The following MEIKIN variants were observed in gnomAD, a reference collection of about 807,000 sequenced individuals.
The protein encoded by MEIKIN is meiosis-specific kinetochore protein.
At chr5:131,891,245 T>G (rs538802048) in intron 8 of MEIKIN, among the ~76,000 whole-genome samples, 3 of 152,264 alleles carry the variant, frequency 2.0e-5, no homozygotes, top group South Asian at 4.2e-4. Context: ...GCTTGGTGCA[T>G]AGCTGAGTTC....
At chr5:131,891,137 C>T (rs1404197417) in intron 8 of MEIKIN, among the ~76,000 whole-genome samples, 1 of 152,092 alleles carries the variant, frequency 6.6e-6, no homozygotes, top group Non-Finnish European at 1.5e-5. Flanking sequence ...TTACTTCCAA[C>T]TATGTGGTCA....
intron 3 of MEIKIN, among the ~76,000 whole-genome samples, chr5:131,943,583 A>G (rs777798662): frequency 1.3e-5 from 2 of 152,216 alleles, no homozygotes; most frequent in Non-Finnish European, 2.9e-5. Context: ...TTTGAAGACT[A>G]TTTAATGTAT....
chr5:131,918,928 T>C (rs1468452217), intron 6 of MEIKIN, among the ~76,000 whole-genome samples: 1 of 152,108 alleles, frequency 6.6e-6, no homozygotes, highest in African/African-American at 2.4e-5. Context: ...CTTGATGATA[T>C]TAGAGAACTG....
chr5:131,856,595 A>T (rs563564762), intron 9 of MEIKIN, among the ~76,000 whole-genome samples: 1 of 152,242 alleles, frequency 6.6e-6, no homozygotes, highest in African/African-American at 2.4e-5. Flanking sequence ...TCCCTGCATA[A>T]TCCTGCTTCT....
At chr5:131,851,624 A>G (rs1042505334) in intron 10 of MEIKIN, among the ~76,000 whole-genome samples, 5 of 152,214 alleles carry the variant, frequency 3.3e-5, no homozygotes, top group Non-Finnish European at 5.9e-5. Flanking sequence ...TTCATTTTAA[A>G]GTAATTTTTT....
At chr5:131,828,690 T>C (rs894687062) in intron 11 of MEIKIN, among the ~76,000 whole-genome samples, 5 of 152,216 alleles carry the variant, frequency 3.3e-5, no homozygotes, top group South Asian at 2.1e-4. Flanking sequence ...GAATCCACCA[T>C]GTTCTACCAC....
chr5:131,906,839 G>C (rs1030276748), intron 8 of MEIKIN, among the ~76,000 whole-genome samples: 3 of 152,124 alleles, frequency 2.0e-5, no homozygotes, highest in African/African-American at 7.2e-5. Flanking sequence ...CAGAAAGAAG[G>C]AACAACAGAC....
At chr5:131,862,517 G>C (rs1416904844) in intron 9 of MEIKIN, among the ~76,000 whole-genome samples, 1 of 151,812 alleles carries the variant, frequency 6.6e-6, no homozygotes, top group African/African-American at 2.4e-5. Flanking sequence ...ATTCCTTAAA[G>C]TGCATCACTA....
chr5:131,879,736 A>G lies in MEIKIN; in HGVS notation c.704-688T>C, dbSNP rs1750673077. On this transcript the variant is annotated intron_variant, in intron 8 of 12. Transcript: ENST00000442687. Reference sequence around the variant, plus strand: ...TATCAGCAGAAACCTTTCCTGTCCTACCTCACTGGACCTTACTACAACAGG... The same window carrying G: ...TATCAGCAGAAACCTTTCCTGTCCTGCCTCACTGGACCTTACTACAACAGG... Among the ~76,000 whole-genome samples the G allele has an allele frequency of 2.0e-5, 3 of 152,046 alleles. No homozygotes were observed. The South Asian group carries it at 6.2e-4, about 32-fold the overall frequency.
intron 5 of MEIKIN, among the ~76,000 whole-genome samples, chr5:131,922,634 A>T (rs1751524232): frequency 6.6e-6 from 1 of 152,098 alleles, no homozygotes; most frequent in South Asian, 2.1e-4. Flanking sequence ...GCTATTACTT[A>T]ATATCAGTTT....
intron 11 of MEIKIN, among the ~76,000 whole-genome samples, chr5:131,826,181 C>A (rs934587663): frequency 6.6e-6 from 1 of 151,172 alleles, no homozygotes; most frequent in Non-Finnish European, 1.5e-5. Context: ...CCCACCTTGG[C>A]CTCCCAAAGT....
At chr5:131,885,349 G>A (rs1261848492) in intron 8 of MEIKIN, among the ~76,000 whole-genome samples, 2 of 2,894 alleles carry the variant, frequency 6.9e-4, no homozygotes, top group Non-Finnish European at 2.2e-3. Context: ...GAAAGAGAGA[G>A]AGAGAGAGAG....
intron 4 of MEIKIN, among the ~76,000 whole-genome samples, chr5:131,935,125 C>A (rs1370970453): frequency 6.7e-6 from 1 of 148,496 alleles, no homozygotes; most frequent in South Asian, 2.1e-4. Context: ...TGCAAATGGA[C>A]TGAAATCCAG....
chr5:131,844,345 G>A (rs577910312), intron 11 of MEIKIN, among the ~76,000 whole-genome samples: 1 of 152,222 alleles, frequency 6.6e-6, no homozygotes, highest in Non-Finnish European at 1.5e-5. Context: ...CAAGACACTG[G>A]ACATCAGACA....
intron 5 of MEIKIN, among the ~76,000 whole-genome samples, chr5:131,927,920 C>T (rs572986592): frequency 2.6e-5 from 4 of 151,880 alleles, no homozygotes; most frequent in African/African-American, 7.2e-5. Context: ...CCGAGACGGG[C>T]GGATCACGAG....
At chr5:131,844,064 T>C (rs565155388) in intron 11 of MEIKIN, among the ~76,000 whole-genome samples, 16 of 152,250 alleles carry the variant, frequency 1.1e-4, no homozygotes, top group Middle Eastern at 3.4e-3. Context: ...TATCTTCATG[T>C]GGCAACAGGA....
At chr5:131,938,210 A>G (rs568230175) in intron 4 of MEIKIN, among the ~76,000 whole-genome samples, 1 of 131,874 alleles carries the variant, frequency 7.6e-6, no homozygotes, top group Non-Finnish European at 1.5e-5. Context: ...TCTCTCACCT[A>G]GGCTAGAGTG....
chr5:131,906,503 T>A (rs967310177), intron 8 of MEIKIN, among the ~76,000 whole-genome samples: 4 of 151,970 alleles, frequency 2.6e-5, no homozygotes, highest in Admixed American at 2.6e-4. Flanking sequence ...GACCCAGCAA[T>A]CCCATTATTG....
chr5:131,901,988 C>T (rs1174140602), intron 8 of MEIKIN, among the ~76,000 whole-genome samples: 1 of 152,106 alleles, frequency 6.6e-6, no homozygotes. Flanking sequence ...GCTTTAGCAC[C>T]ACCCTCTTGG....
Sources: gnomAD v4.1 joint callset for allele counts (sites outside exome capture counted in the v4.1 genomes callset) on GRCh38, gnomAD v4.1.1 for gene constraint, MANE v1.5 for transcripts, NCBI Gene and HGNC (gene_info 2026-07-23, HGNC 2026-07-21) for gene names.